SPAG17: variants seen among roughly 807,000 people sequenced by gnomAD.
SPAG17 encodes sperm-associated antigen 17.
In SPAG17, 169 loss-of-function variants were observed where a neutral mutation model predicts 273.6. That is an observed-to-expected ratio of 0.62 (90% CI 0.55 to 0.70). SPAG17 has a LOEUF of 0.70. SPAG17 is among the 30% of genes least tolerant of loss of function. The pLI is 0.00. For synonymous variants in SPAG17, 825 were observed against 873.2 expected, an observed-to-expected ratio of 0.94 and a Z score of 0.97; for missense variants, 2,557 against 2,627.8, an observed-to-expected ratio of 0.97 and a Z score of 0.59.
chr1:118,137,501 T>G (rs1469026541), intron 3 of SPAG17, among the ~76,000 whole-genome samples: 1 of 152,314 alleles, frequency 6.6e-6, no homozygotes, highest in East Asian at 1.9e-4. Context: ...GATCCAAATA[T>G]GTATGAAGTT....
intron 3 of SPAG17, among the ~76,000 whole-genome samples, chr1:118,127,619 A>G (rs1238388538): frequency 6.6e-6 from 1 of 152,242 alleles, no homozygotes; most frequent in African/African-American, 2.4e-5. Flanking sequence ...ACAAATATCT[A>G]AACTATCTCG....
intron 28 of SPAG17, among the ~76,000 whole-genome samples, chr1:118,021,284 T>C (rs1660471982): frequency 2.0e-5 from 3 of 152,214 alleles, no homozygotes; most frequent in Non-Finnish European, 1.5e-5. Context: ...TATTACTAAG[T>C]GAAAGAACCT....
chr1:118,055,200 A>G (rs1292818600), intron 19 of SPAG17, among the ~76,000 whole-genome samples: 1 of 152,084 alleles, frequency 6.6e-6, no homozygotes, highest in African/African-American at 2.4e-5. Context: ...AAAGGTATAT[A>G]TATTGATCCA....
chr1:117,994,464 T>C lies in SPAG17; in HGVS notation c.5120A>G (p.Asp1707Gly). ...CCGGAGATTAGGAGGGACAATTGTATCTTCCTTTTTTACTTGCCATGGTGA... is the reference window on the plus strand; with the variant it reads ...CCGGAGATTAGGAGGGACAATTGTACCTTCCTTTTTTACTTGCCATGGTGA... ...EASPWQVKKE[D>G]TIVPPNLRSR... The change falls in exon 35 of 49, where the codon GAT becomes GGT. Residue 1707 changes from aspartate (D) to glycine (G), a missense_variant. Asp to Gly is a moderately conservative substitution (Grantham distance 94). Transcript: ENST00000336338. The C allele has an allele frequency of 6.2e-7, 1 of 1,613,050 alleles. No homozygotes were observed. The highest frequency in any genetic ancestry group is 8.5e-7 in the Non-Finnish European group (1 of 1,179,288).
chr1:118,147,066 A>C (rs930521530), intron 3 of SPAG17, among the ~76,000 whole-genome samples: 1 of 152,064 alleles, frequency 6.6e-6, no homozygotes, highest in Non-Finnish European at 1.5e-5. Context: ...TGTGTTATTC[A>C]CTTACGCAGC....
At chr1:118,179,848 A>G (rs572855903) in intron 1 of SPAG17, among the ~76,000 whole-genome samples, 1 of 152,194 alleles carries the variant, frequency 6.6e-6, no homozygotes, top group South Asian at 2.1e-4. Flanking sequence ...AAGATGCTCA[A>G]CATCGCTAAT....
intron 3 of SPAG17, among the ~76,000 whole-genome samples, chr1:118,116,141 C>G (rs1285493141): frequency 6.6e-6 from 1 of 152,096 alleles, no homozygotes; most frequent in Non-Finnish European, 1.5e-5. Context: ...GCTTGTTTCC[C>G]CTAAATTTCA....
intron 4 of SPAG17, among the ~76,000 whole-genome samples, chr1:118,105,177 T>G (rs1187027693): frequency 6.6e-6 from 1 of 152,122 alleles, no homozygotes; most frequent in Non-Finnish European, 1.5e-5. Flanking sequence ...GTTTCAATTT[T>G]TTCAAGTGAA....
At chr1:118,004,230 C>T (rs1658617518) in intron 32 of SPAG17, among the ~76,000 whole-genome samples, 1 of 152,246 alleles carries the variant, frequency 6.6e-6, no homozygotes, top group African/African-American at 2.4e-5. Flanking sequence ...GTCTGTTGGC[C>T]CCTACTGGGA....
intron 32 of SPAG17, among the ~76,000 whole-genome samples, chr1:117,998,294 C>T (rs1007889270): frequency 1.3e-5 from 2 of 152,082 alleles, no homozygotes; most frequent in African/African-American, 4.8e-5. Flanking sequence ...TATCCCAGTA[C>T]CATTTATTGA....
intron 15 of SPAG17, among the ~76,000 whole-genome samples, chr1:118,079,579 G>C (rs1446911983): frequency 1.3e-5 from 2 of 151,764 alleles, no homozygotes; most frequent in African/African-American, 4.8e-5. Flanking sequence ...CTATTTCATT[G>C]ACGTAATTTT....
chr1:117,954,993 G>A (rs1557826737), intron 48 of SPAG17: 1 of 377,936 alleles, frequency 2.6e-6, no homozygotes, highest in Non-Finnish European at 4.7e-6. Flanking sequence ...GAGAGGGGAA[G>A]AGTGATGGGA....
At chr1:118,171,052 C>G (rs1308936079) in intron 1 of SPAG17, among the ~76,000 whole-genome samples, 2 of 152,056 alleles carry the variant, frequency 1.3e-5, no homozygotes, top group Non-Finnish European at 2.9e-5. Flanking sequence ...GTAAAGGGCT[C>G]TTTTAAAAAC....
rs1263946740 is a variant in SPAG17 at position 118,088,593 on chromosome 1, T to C, written c.1360-1585A>G. ...ATGGGAGGTATCAGAGATGATAGAGTCTGAAAAGGACTTTAAAATAAACCT... is the reference window on the plus strand; with the variant it reads ...ATGGGAGGTATCAGAGATGATAGAGCCTGAAAAGGACTTTAAAATAAACCT... On this transcript the variant is annotated intron_variant, in intron 10 of 48. Coordinates refer to ENST00000336338, the MANE Select transcript of SPAG17 (RefSeq NM_206996.4). Among the ~76,000 whole-genome samples, 8 of 151,912 alleles carry C rather than the reference T, an allele frequency of 5.3e-5. No individual in the cohort carries two copies. The East Asian group carries it at 1.5e-3, about 29-fold the overall frequency.
rs369057532 is a variant in SPAG17, at chr1:118,081,272, T to G, written c.2038A>C (p.Met680Leu). 1.9e-6 allele frequency: 3 copies of G among 1,614,094 alleles called. No homozygotes were observed. The South Asian group carries it at 3.3e-5, about 18-fold the overall frequency. Residue 680 changes from methionine to leucine, a missense_variant, in exon 15 of 49, where the codon ATG (methionine) becomes CTG (leucine). Coordinates refer to ENST00000336338, the MANE Select transcript of SPAG17 (RefSeq NM_206996.4). Reference sequence around the variant, plus strand: ...TTGCTTTCATTATCTTGCACAGACATTGACAAATTCTGATCCACAAATAGT... The same window carrying G: ...TTGCTTTCATTATCTTGCACAGACAGTGACAAATTCTGATCCACAAATAGT... ...RTLFVDQNLS[M>L]SVQDNESNRE...
intron 3 of SPAG17, among the ~76,000 whole-genome samples, chr1:118,142,954 C>T (rs1658763043): frequency 1.3e-5 from 2 of 152,204 alleles, no homozygotes; most frequent in Admixed American, 1.3e-4. Flanking sequence ...TATGTATTAA[C>T]TTCCCTCTTA....
chr1:118,147,826 A>G (rs1659113727), intron 3 of SPAG17, among the ~76,000 whole-genome samples: 2 of 152,188 alleles, frequency 1.3e-5, no homozygotes, highest in Non-Finnish European at 2.9e-5. Context: ...GGAAATATGC[A>G]ATGTGGCTCT....
rs774234209 is a variant in SPAG17, at chr1:117,955,349, T to C, written c.*1-1300A>G. The C allele has an allele frequency of 3.7e-6, 6 of 1,612,484 alleles. No individual in the cohort carries two copies. In the East Asian group the frequency reaches 1.3e-4, roughly 36 times the overall value. ...TATGTATTAGAGATTTTTAAAGGGA[T>C]CAAGTCGAGGTGAGTGAGTCCTTGC... is the stretch of plus-strand genomic sequence containing the variant. On this transcript the variant is annotated intron_variant, in intron 48 of 48. Coordinates refer to ENST00000336338, the MANE Select transcript of SPAG17 (RefSeq NM_206996.4).
Position 118,115,299 on chromosome 1 carries a change from T to A in SPAG17, c.447+11A>T. The A allele has an allele frequency of 1.2e-6, 2 of 1,611,968 alleles. No individual in the cohort carries two copies. The highest frequency in any genetic ancestry group is 1.7e-6 in the Non-Finnish European group (2 of 1,178,748). On this transcript the variant is annotated intron_variant, in intron 4 of 48. Coordinates refer to ENST00000336338, the MANE Select transcript of SPAG17 (RefSeq NM_206996.4). Reference sequence around the variant, plus strand: ...TGCCCTCTTTAGAAAACCCACCAGATCGTACAGTACCTTCTTTTCATTTTC... The same window carrying A: ...TGCCCTCTTTAGAAAACCCACCAGAACGTACAGTACCTTCTTTTCATTTTC...
Sources: allele counts gnomAD v4.1 joint callset (sites outside exome capture counted in the v4.1 genomes callset), GRCh38; gene constraint gnomAD v4.1.1; transcripts MANE v1.5; gene names NCBI Gene and HGNC (gene_info 2026-07-23, HGNC 2026-07-21).